NKAIN3: variants seen among roughly 807,000 people sequenced by gnomAD.
NKAIN3 encodes the protein sodium/potassium-transporting ATPase subunit beta-1-interacting protein 3.
A neutral mutation model predicts 30.2 loss-of-function variants in NKAIN3; 25 were observed. The observed-to-expected ratio is 0.83, with a 90% CI of 0.60 to 1.16. The LOEUF (loss-of-function observed/expected upper bound fraction) is 1.16, where lower values mean the gene tolerates loss of function less well. Ranked by LOEUF, NKAIN3 falls within the 50% of genes most tolerant of loss-of-function variation. The pLI, the probability that NKAIN3 is intolerant of heterozygous loss-of-function variation, is 0.00. For synonymous variants in NKAIN3, 91 were observed against 89.6 expected (o/e 1.02, Z -0.09); for missense variants, 225 against 254.1 (o/e 0.89, Z 0.78).
chr8:62,359,130 C>CGG (rs1490509241), intron 1 of NKAIN3, among the ~76,000 whole-genome samples: 1 of 152,146 alleles, frequency 6.6e-6, no homozygotes, highest in Non-Finnish European at 1.5e-5. Context: ...TTGCAGTGAG[C>CGG]GGAGATGTGC....
At chr8:62,990,302 T>C (rs1003170141) in intron 5 of NKAIN3, 48 of 1,422,964 alleles carry the variant, frequency 3.4e-5, no homozygotes, top group Non-Finnish European at 4.4e-5. Flanking sequence ...AGAACTGAGG[T>C]GATGCATTAT....
intron 5 of NKAIN3, among the ~76,000 whole-genome samples, chr8:62,948,964 T>C (rs1464933124): frequency 6.6e-6 from 1 of 152,226 alleles, no homozygotes; most frequent in East Asian, 1.9e-4. Context: ...GTATCTATTC[T>C]GGATTTACCA....
At chr8:62,806,104 A>T (rs1375942218) in intron 4 of NKAIN3, among the ~76,000 whole-genome samples, 1 of 152,244 alleles carries the variant, frequency 6.6e-6, no homozygotes, top group Non-Finnish European at 1.5e-5. Context: ...CCACAATGAG[A>T]TATCATCTCA....
At chr8:62,761,098 T>C (rs1563550241) in intron 4 of NKAIN3, among the ~76,000 whole-genome samples, 2 of 152,172 alleles carry the variant, frequency 1.3e-5, no homozygotes, top group Non-Finnish European at 2.9e-5. Flanking sequence ...TTCTTTTCTG[T>C]TTTTTTACCA....
chr8:62,686,155 C>G (rs142015201), intron 3 of NKAIN3, among the ~76,000 whole-genome samples: 1 of 152,258 alleles, frequency 6.6e-6, no homozygotes, highest in African/African-American at 2.4e-5. Context: ...TCACTGATCA[C>G]AGCAAGGGCA....
intron 4 of NKAIN3, among the ~76,000 whole-genome samples, chr8:62,854,408 G>C (rs934968303): frequency 2.6e-5 from 4 of 152,170 alleles, no homozygotes; most frequent in Non-Finnish European, 5.9e-5. Flanking sequence ...ATATATTTAA[G>C]ATAGTTGGCA....
At chr8:62,352,640 G>T (rs1816219906) in intron 1 of NKAIN3, among the ~76,000 whole-genome samples, 1 of 152,162 alleles carries the variant, frequency 6.6e-6, no homozygotes, top group Admixed American at 6.5e-5. Context: ...CTACATCTTG[G>T]AGAGTCAGAT....
chr8:62,938,352 A>G lies in NKAIN3; in HGVS notation c.533-15550A>G, dbSNP rs529157630. Among the ~76,000 whole-genome samples, 163 of 152,204 alleles carry G rather than the reference A, an allele frequency of 1.1e-3. 3 individuals are homozygous for G. Among genetic ancestry groups the G allele is most frequent in the African/African-American group, 3.9e-3 (160 of 41,480 alleles). ...CACTGCCCCAAGAAAGGAGAAAACAACAGCTAATTTCACCACCTGTAACAT... is the reference window on the plus strand; with the variant it reads ...CACTGCCCCAAGAAAGGAGAAAACAGCAGCTAATTTCACCACCTGTAACAT... On this transcript the variant is annotated intron_variant, in intron 5 of 6. Transcript: ENST00000623646.
chr8:62,909,767 G>A (rs924250451), intron 4 of NKAIN3, among the ~76,000 whole-genome samples: 2 of 152,238 alleles, frequency 1.3e-5, no homozygotes, highest in Middle Eastern at 3.4e-3. Context: ...AAAAGGAAAT[G>A]TTTTAATTAA....
chr8:62,997,493 A>G (rs1461804597), intron 5 of NKAIN3, among the ~76,000 whole-genome samples: 2 of 152,138 alleles, frequency 1.3e-5, no homozygotes, highest in African/African-American at 4.8e-5. Flanking sequence ...AAGAAAAACA[A>G]ATTAAGAGGA....
At chr8:62,478,734 A>G (rs1806600782) in intron 1 of NKAIN3, among the ~76,000 whole-genome samples, 1 of 152,184 alleles carries the variant, frequency 6.6e-6, no homozygotes, top group African/African-American at 2.4e-5. Flanking sequence ...CATACACTAA[A>G]CCAAATAAAC....
At chr8:62,849,686 T>A (rs1218597623) in intron 4 of NKAIN3, among the ~76,000 whole-genome samples, 1 of 139,666 alleles carries the variant, frequency 7.2e-6, no homozygotes, top group Non-Finnish European at 1.5e-5. Context: ...TTCCCACCTA[T>A]GAGTGAGAAC....
intron 3 of NKAIN3, among the ~76,000 whole-genome samples, chr8:62,615,322 C>T (rs142887601): frequency 1.8e-4 from 27 of 151,890 alleles, no homozygotes; most frequent in East Asian, 5.9e-4. Flanking sequence ...CCTATCCTGA[C>T]GTGGCTGAGC....
At chr8:62,825,936 A>G (rs1268625813) in intron 4 of NKAIN3, among the ~76,000 whole-genome samples, 1 of 152,176 alleles carries the variant, frequency 6.6e-6, no homozygotes, top group African/African-American at 2.4e-5. Context: ...CGCAGCAGCC[A>G]TGCCGTGAAA....
At chr8:62,558,339 T>C (rs1374068348) in intron 1 of NKAIN3, among the ~76,000 whole-genome samples, 4 of 152,156 alleles carry the variant, frequency 2.6e-5, no homozygotes, top group Non-Finnish European at 5.9e-5. Context: ...AATCAGGTAA[T>C]GTGATGCCTC....
intron 1 of NKAIN3, among the ~76,000 whole-genome samples, chr8:62,465,284 A>G (rs1806128447): frequency 6.6e-6 from 1 of 152,202 alleles, no homozygotes; most frequent in South Asian, 2.1e-4. Context: ...AACCTCCCCA[A>G]AATGATGTAA....
chr8:62,315,272 C>G (rs1004758428), intron 1 of NKAIN3, among the ~76,000 whole-genome samples: 2 of 152,186 alleles, frequency 1.3e-5, no homozygotes, highest in African/African-American at 4.8e-5. Flanking sequence ...AGTTCAACTA[C>G]AAGCACAAAT....
At position 62,307,440 on chromosome 8, in the gene NKAIN3, TC is replaced by T. The variant is rs1010997306; in HGVS notation, c.54+58315del. Among the ~76,000 whole-genome samples, 19 of 150,246 alleles carry T rather than the reference TC, an allele frequency of 1.3e-4. 1 individual carries two copies. The highest frequency in any genetic ancestry group is 4.5e-4 in the African/African-American group (18 of 39,718). On this transcript the variant is annotated intron_variant, in intron 1 of 6. Transcript: ENST00000623646. ...CTTTTATATATTTAATTTTCTTCTT[TC>T]CTTCTTTCCACTTGTCTTTTTTGAG...
chr8:62,875,979 G>T (rs1329845415), intron 4 of NKAIN3, among the ~76,000 whole-genome samples: 2 of 152,044 alleles, frequency 1.3e-5, no homozygotes, highest in African/African-American at 4.8e-5. Flanking sequence ...TGACAAATGA[G>T]ATCTAATTAA....
Sources: allele counts gnomAD v4.1 joint callset (sites outside exome capture counted in the v4.1 genomes callset), GRCh38; gene constraint gnomAD v4.1.1; transcripts MANE v1.5; gene names NCBI Gene and HGNC (gene_info 2026-07-23, HGNC 2026-07-21).